LMF1: variants seen among roughly 807,000 people sequenced by gnomAD.
LMF1 encodes transmembrane protein 112.
In LMF1, 68 loss-of-function variants were observed where a neutral mutation model predicts 60.6. That is an observed-to-expected ratio of 1.12 (90% CI 0.92 to 1.37). The LOEUF is 1.37. LMF1 is among the 40% of genes most tolerant of loss of function. The pLI, the probability that LMF1 is intolerant of heterozygous loss-of-function variation, is 0.00. For missense variants in LMF1, 948 were observed against 767.2 expected, an observed-to-expected ratio of 1.24 and a Z score of -2.78; for synonymous variants, 418 against 324.7, an observed-to-expected ratio of 1.29 and a Z score of -3.09.
rs2071648968 is a variant in LMF1 at position 927,675 on chromosome 16, G to A, written c.514+6569C>T. ...CTTGGTGGAGCCTGGTGCAGCCCAG[G>A]CGGAGCTCACCCGGCGATCGCTTCC... On this transcript the variant is annotated intron_variant, in intron 3 of 10. Transcript: ENST00000262301. Among the ~76,000 whole-genome samples, 6 of 152,346 alleles carry A rather than the reference G, an allele frequency of 3.9e-5. No homozygotes were observed. In the South Asian group the frequency reaches 1.0e-3, roughly 26 times the overall value.
intron 5 of LMF1, chr16:881,442 A>G (rs1471485077): frequency 6.6e-6 from 1 of 152,248 alleles, no homozygotes; most frequent in Non-Finnish European, 1.5e-5. Flanking sequence ...GGCCAGGGGA[A>G]TGGTGGGTCA....
chr16:967,594 G>C lies in LMF1; in HGVS notation c.193+3194C>G, dbSNP rs1191199116. Among the ~76,000 whole-genome samples, 5 of 152,336 alleles carry C rather than the reference G, an allele frequency of 3.3e-5. No homozygotes were observed. The East Asian group carries it at 9.6e-4, about 29-fold the overall frequency. ...TGTCACATAAGCTTTTACTCGTCCA[G>C]ATTTCAGCCATTCCTGGGAGTGACA... On this transcript the variant is annotated intron_variant, in intron 1 of 10. Coordinates refer to ENST00000262301, the MANE Select transcript of LMF1 (RefSeq NM_022773.4).
chr16:893,991 A>T (rs2070576165), intron 4 of LMF1, among the ~76,000 whole-genome samples: 1 of 150,128 alleles, frequency 6.7e-6, no homozygotes, highest in Non-Finnish European at 1.5e-5. Context: ...CCACCTGTCC[A>T]CCCCACTGTC....
At chr16:881,828 G>C (rs1423710359) in intron 5 of LMF1, among the ~76,000 whole-genome samples, 2 of 152,228 alleles carry the variant, frequency 1.3e-5, no homozygotes, top group Non-Finnish European at 2.9e-5. Context: ...CCCAGCTCTT[G>C]GTCTGGCTTT....
chr16:887,584 C>T (rs553986202), intron 5 of LMF1, among the ~76,000 whole-genome samples: 1 of 152,324 alleles, frequency 6.6e-6, no homozygotes, highest in East Asian at 1.9e-4. Flanking sequence ...CCCTCAGCCA[C>T]TCCCACCCAC....
At chr16:977,297 A>T (rs548661571) in intron 1 of LMF1, among the ~76,000 whole-genome samples, 1 of 152,286 alleles carries the variant, frequency 6.6e-6, no homozygotes, top group East Asian at 1.9e-4. Flanking sequence ...CCCAGCCCAG[A>T]GCTCCAAGTG....
intron 2 of LMF1, among the ~76,000 whole-genome samples, chr16:938,700 G>A (rs1426154683): frequency 6.6e-6 from 1 of 152,224 alleles, no homozygotes; most frequent in Non-Finnish European, 1.5e-5. Context: ...AGCACCAAGT[G>A]CATGTGTGGC....
At chr16:858,091 ATGGGTGTGAGTGGTGTCT>A (rs2069264929) in intron 10 of LMF1, among the ~76,000 whole-genome samples, 3 of 84,876 alleles carry the variant, frequency 3.5e-5, no homozygotes, top group Non-Finnish European at 4.4e-5. Flanking sequence ...GTGTCTCGGG[ATGGGTGTGAGTGGTGTCT>A]CGGGATGGGT....
intron 2 of LMF1, 106 bp from the exon 3 acceptor site, chr16:934,360 G>A: frequency 6.9e-7 from 1 of 1,455,610 alleles, no homozygotes; most frequent in Non-Finnish European, 9.5e-7. Context: ...AGCACGGTGT[G>A]GGGTCAGGGA....
At chr16:944,446 C>A (rs1022037828) in intron 2 of LMF1, among the ~76,000 whole-genome samples, 2 of 152,256 alleles carry the variant, frequency 1.3e-5, no homozygotes, top group African/African-American at 4.8e-5. Flanking sequence ...CTGATCCCTG[C>A]CTCCTGAGCT....
chr16:981,085 T>C (rs374912160), intron 1 of LMF1: 1 of 341,582 alleles, frequency 2.9e-6, no homozygotes, highest in Non-Finnish European at 5.9e-6. Context: ...CTCGCACTCG[T>C]ATGGGCAGGG....
At chr16:875,805 G>A (rs892759476) in intron 6 of LMF1, among the ~76,000 whole-genome samples, 8 of 152,146 alleles carry the variant, frequency 5.3e-5, no homozygotes, top group Non-Finnish European at 8.8e-5. Context: ...AGGGGCAGGC[G>A]GGACCCTGGG....
chr16:934,104 A>T (rs2071870699), intron 3 of LMF1, 140 bp downstream of exon 3: 1 of 1,547,046 alleles, frequency 6.5e-7, no homozygotes, highest in African/African-American at 1.4e-5. Flanking sequence ...ACAAGCGCCC[A>T]TCACTGCCCT....
At chr16:972,058 G>A (rs984156812), upstream of LMF1, among the ~76,000 whole-genome samples, 1 of 152,112 alleles carries the variant, frequency 6.6e-6, no homozygotes, top group Non-Finnish European at 1.5e-5. Context: ...TTAATTACCT[G>A]TTTAATTATA....
At position 870,740 on chromosome 16, in the gene LMF1, C is replaced by A. The variant is rs1356181743; in HGVS notation, c.1221G>T (p.Gly407=). 6.2e-7 allele frequency: 1 copy of A among 1,612,886 alleles called. No individual in the cohort carries two copies. The highest frequency in any genetic ancestry group is 1.7e-5 in the Admixed American group (1 of 60,018). Residue 407 remains glycine (G), a synonymous_variant, in exon 8 of 11, where the codon GGG becomes GGT. Transcript: ENST00000262301. ...CCCCAGGCTCATACCTTCCGAAGGC[C>A]CCGTAAGTGTTGACGATGTGAAGAG... is the stretch of plus-strand genomic sequence containing the variant. ...FNSLHIVNTY[G]AFGSITKERA... is the part of the protein sequence containing the mutation.
chr16:942,936 T>C (rs891148709), intron 2 of LMF1, among the ~76,000 whole-genome samples: 2 of 152,268 alleles, frequency 1.3e-5, no homozygotes, highest in Admixed American at 6.5e-5. Context: ...TTAGCTTGGA[T>C]AATTTCTACA....
At chr16:928,946 T>C (rs1005970078) in intron 3 of LMF1, among the ~76,000 whole-genome samples, 2 of 152,230 alleles carry the variant, frequency 1.3e-5, no homozygotes, top group Non-Finnish European at 1.5e-5. Context: ...GGACTCTATC[T>C]GGGCACAAAG....
At chr16:965,930 T>TAG (rs199816691) in intron 1 of LMF1, among the ~76,000 whole-genome samples, 4,486 of 151,954 alleles carry the variant, frequency 0.03, 83 homozygotes, top group South Asian at 0.11. Context: ...AAGAAAGTCC[T>TAG]CTCCCTGACT....
At chr16:931,633 G>A in intron 3 of LMF1, 1 of 1,286,318 alleles carries the variant, frequency 7.8e-7, no homozygotes, top group Non-Finnish European at 1.0e-6. Flanking sequence ...CCAGCACCCG[G>A]AGTCATACCT....
Sources: gnomAD v4.1 joint callset for allele counts (sites outside exome capture counted in the v4.1 genomes callset) on GRCh38, gnomAD v4.1.1 for gene constraint, MANE v1.5 for transcripts, NCBI Gene and HGNC (gene_info 2026-07-23, HGNC 2026-07-21) for gene names.